The following SMC2 variants were observed in gnomAD, a reference collection of about 807,000 sequenced individuals.
SMC2 encodes the protein structural maintenance of chromosomes protein 2.
A neutral mutation model predicts 142.6 loss-of-function variants in SMC2; 41 were observed. The observed-to-expected ratio is 0.29, with a 90% CI of 0.22 to 0.37. SMC2 has a LOEUF of 0.37. Among genes scored for constraint, SMC2 ranks in the 10% least tolerant of loss-of-function variants. The pLI, the probability that SMC2 is intolerant of heterozygous loss-of-function variation, is 1.00. For synonymous variants in SMC2, 463 were observed against 457.5 expected, an observed-to-expected ratio of 1.01 and a Z score of -0.15; for missense variants, 1,265 against 1,373.7, an observed-to-expected ratio of 0.92 and a Z score of 1.25.
chr9:104,124,444 CTGTCATATTATTTGTCGACT>C (rs1306656650), intron 17 of SMC2, among the ~76,000 whole-genome samples: 6 of 152,052 alleles, frequency 3.9e-5, no homozygotes, highest in Admixed American at 3.3e-4. Flanking sequence ...CCCAGGCATA[CTGTCATATTATTTGTCGACT>C]TTAATGAGAA....
intron 9 of SMC2, among the ~76,000 whole-genome samples, chr9:104,102,777 A>T (rs968039588): frequency 6.6e-6 from 1 of 152,188 alleles, no homozygotes; most frequent in Admixed American, 6.5e-5. Flanking sequence ...GATAATAAAG[A>T]AAATAAATAA....
At chr9:104,132,711 G>T (rs529977708) in intron 22 of SMC2, among the ~76,000 whole-genome samples, 1 of 151,718 alleles carries the variant, frequency 6.6e-6, no homozygotes, top group South Asian at 2.1e-4. Context: ...TAGTCACCTT[G>T]TTTTTTTCTT....
rs1172616703 is a variant in SMC2 at position 104,129,791 on chromosome 9, A to G, written c.2937A>G (p.Leu979=). 6.2e-6 allele frequency: 10 copies of G among 1,613,892 alleles called. No individual in the cohort carries two copies. Among genetic ancestry groups the G allele is most frequent in the Non-Finnish European group, 8.5e-6 (10 of 1,179,954 alleles). The change falls in exon 21 of 25, where the codon CTA becomes CTG. Residue 979 remains leucine (L), a synonymous_variant. Coordinates refer to ENST00000374793, the MANE Select transcript of SMC2 (RefSeq NM_006444.3). The part of the protein sequence containing the change: ...LQKLQEMKEK[L]GRNVNMRAMN... ...AGTTGCAAGAAATGAAGGAGAAACTAGGAAGAAATGTCAATATGAGAGCTA... is the reference window on the plus strand; with the variant it reads ...AGTTGCAAGAAATGAAGGAGAAACTGGGAAGAAATGTCAATATGAGAGCTA...
chr9:104,114,586 T>G, intron 12 of SMC2, 105 bp from the exon 13 acceptor site: 1 of 1,030,934 alleles, frequency 9.7e-7, no homozygotes, highest in Non-Finnish European at 1.4e-6. Flanking sequence ...TGATTCTACT[T>G]TCATTTCACT....
chr9:104,120,186 TA>T (rs113986499), intron 16 of SMC2, 24 bp downstream of exon 16: 1 of 1,555,554 alleles, frequency 6.4e-7, no homozygotes, highest in Non-Finnish European at 8.7e-7. Context: ...ATACTTTTTT[TA>T]ATTAAAGATT....
chr9:104,126,362 A>G (rs1834278243), intron 18 of SMC2, among the ~76,000 whole-genome samples: 1 of 152,096 alleles, frequency 6.6e-6, no homozygotes, highest in African/African-American at 2.4e-5. Context: ...TGTTACGTAG[A>G]ATGTTATATT....
intron 8 of SMC2, 49 bp downstream of exon 8, chr9:104,102,242 C>T: frequency 1.7e-6 from 2 of 1,184,652 alleles, no homozygotes; most frequent in East Asian, 2.4e-5. Flanking sequence ...GAAAAACGTA[C>T]TAAATTATAT....
At position 104,132,134 on chromosome 9, in the gene SMC2, T is replaced by C; in HGVS notation, c.3108+9T>C. 1 of 1,391,282 alleles carries C rather than the reference T, an allele frequency of 7.2e-7. No homozygotes were observed. Among genetic ancestry groups the C allele is most frequent in the South Asian group, 1.2e-5 (1 of 82,440 alleles). 86.2% of individuals were successfully genotyped at this position (1,391,282 alleles called of 1,614,324 possible). On this transcript the variant is annotated intron_variant, in intron 22 of 24. Coordinates refer to ENST00000374793, the MANE Select transcript of SMC2 (RefSeq NM_006444.3). ...ATATTGCATGGCAAAAGGTACTTTT[T>C]ATGTTTGTTTTATATGAGGTTGCAA...
chr9:104,117,860 C>G (rs1387555215), intron 14 of SMC2, among the ~76,000 whole-genome samples: 2 of 152,132 alleles, frequency 1.3e-5, no homozygotes, highest in East Asian at 3.8e-4. Flanking sequence ...AAAGTTGTGT[C>G]CAGTCAACGT....
At chr9:104,100,035 A>G (rs1296675658) in intron 5 of SMC2, 58 bp from the exon 6 acceptor site, 1 of 986,724 alleles carries the variant, frequency 1.0e-6, no homozygotes, top group East Asian at 2.5e-5. Flanking sequence ...TATTTAATGT[A>G]AATTCCAGTT....
chr9:104,100,466 G>C (rs1173466124), intron 7 of SMC2, 33 bp downstream of exon 7: 6 of 1,355,836 alleles, frequency 4.4e-6, no homozygotes, highest in Non-Finnish European at 6.2e-6. Context: ...TAATCTATTA[G>C]AATGTCTTTC....
At chr9:104,107,515 C>A (rs977983455) in intron 9 of SMC2, among the ~76,000 whole-genome samples, 3 of 152,162 alleles carry the variant, frequency 2.0e-5, no homozygotes, top group African/African-American at 7.2e-5. Context: ...CCTGCTACTG[C>A]AAAGTCCGCT....
chr9:104,139,101 C>CA (rs1406404103), intron 24 of SMC2, 38 bp from the exon 25 acceptor site: 2 of 1,444,614 alleles, frequency 1.4e-6, no homozygotes, highest in African/African-American at 2.9e-5. Context: ...AAGTATATCA[C>CA]AAAAAGTTTT....
chr9:104,088,485 A>G, the SMC2 span, among the ~76,000 whole-genome samples: 7 of 152,244 alleles, frequency 4.6e-5, no homozygotes, highest in Non-Finnish European at 1.0e-4. Context: ...GAAATGGATC[A>G]GATTTGGGGT....
At chr9:104,132,187 A>ATACTC (rs1835052464) in intron 22 of SMC2, 62 bp downstream of exon 22, 1 of 842,028 alleles carries the variant, frequency 1.2e-6, no homozygotes, top group South Asian at 1.5e-5. Context: ...CAGTGGAGTT[A>ATACTC]TACTCTATAA....
chr9:104,140,773 C>T lies in SMC2; in HGVS notation c.*1458C>T, dbSNP rs16923754. On this transcript the variant is annotated 3_prime_UTR_variant, in exon 25 of 25. Coordinates refer to ENST00000374793, the MANE Select transcript of SMC2 (RefSeq NM_006444.3). ...ATTACAGACTGTGCCAAAACAGTTA[C>T]CAATTCACACTGTCAATATTAAAGT... is the stretch of plus-strand genomic sequence containing the variant. 8,634 of 152,572 alleles carry T rather than the reference C, an allele frequency of 0.057. 660 individuals carry two copies. The highest frequency in any genetic ancestry group is 0.18 in the African/African-American group (7,451 of 41,514). The allele number at this position is 152,572 out of a possible 1,614,324, so 9.5% of individuals were successfully genotyped here. A position where few individuals can be genotyped will look rare whatever the true frequency, so the allele number is the denominator to read the frequency against.
chr9:104,120,180 T>G lies in SMC2; in HGVS notation c.2132+18T>G, dbSNP rs1320479596. 1 of 1,556,916 alleles carries G rather than the reference T, an allele frequency of 6.4e-7. No homozygotes were observed. The highest frequency in any genetic ancestry group is 8.6e-7 in the Non-Finnish European group (1 of 1,156,810). ...GCTGAAAAGTAAGAACTGCATATAC[T>G]TTTTTTAATTAAAGATTTGCATAGT... On this transcript the variant is annotated intron_variant, in intron 16 of 24. Transcript: ENST00000374793.
rs1195741187 is a variant in SMC2, at chr9:104,131,872, GTGCATTA to G, written c.2992-135_2992-129del. The G allele has an allele frequency of 8.9e-6, 5 of 563,372 alleles. No homozygotes were observed. The African/African-American group carries it at 9.6e-5, about 11-fold the overall frequency. The allele number at this position is 563,372 out of a possible 1,614,324, so 34.9% of individuals were successfully genotyped here. A position where few individuals can be genotyped will look rare whatever the true frequency, so the allele number is the denominator to read the frequency against. On this transcript the variant is annotated intron_variant, in intron 21 of 24. Coordinates refer to ENST00000374793, the MANE Select transcript of SMC2 (RefSeq NM_006444.3). Reference sequence around the variant, plus strand: ...AGTATATGAGTATATATAATTCTTAGTGCATTATATCTTTTTGGTAAATAGCAATGTA... The same window carrying G: ...AGTATATGAGTATATATAATTCTTAGTATCTTTTTGGTAAATAGCAATGTA...
intron 14 of SMC2, among the ~76,000 whole-genome samples, chr9:104,116,640 T>C (rs559384721): frequency 6.6e-6 from 1 of 152,310 alleles, no homozygotes; most frequent in East Asian, 1.9e-4. Context: ...CCCAAATTCT[T>C]CAAGTTTTTG....
Sources: gnomAD v4.1 joint callset for allele counts (sites outside exome capture counted in the v4.1 genomes callset) on GRCh38, gnomAD v4.1.1 for gene constraint, MANE v1.5 for transcripts, NCBI Gene and HGNC (gene_info 2026-07-23, HGNC 2026-07-21) for gene names.